The following MSH4 variants were observed in gnomAD, a reference collection of about 807,000 sequenced individuals.
MSH4 encodes mutS homolog 4.
Under a neutral mutation model 113.7 loss-of-function variants are expected in MSH4, and 106 were observed. The ratio of observed to expected loss-of-function variants is 0.93; its 90% confidence interval spans 0.80 to 1.10. The LOEUF (loss-of-function observed/expected upper bound fraction) is 1.10. Ranked by LOEUF, MSH4 falls within the 50% of genes least tolerant of loss-of-function variation. MSH4 has a pLI of 0.00. For synonymous variants in MSH4, 368 were observed against 380.2 expected (o/e 0.97, Z 0.37); for missense variants, 1,061 against 1,093.7 (o/e 0.97, Z 0.42).
intron 7 of MSH4, among the ~76,000 whole-genome samples, chr1:75,839,561 A>C (rs908171675): frequency 2.0e-5 from 3 of 152,168 alleles, no homozygotes; most frequent in Non-Finnish European, 4.4e-5. Context: ...GTAGAGCAGC[A>C]GGGCATAGGG....
intron 15 of MSH4, among the ~76,000 whole-genome samples, chr1:75,887,896 A>G (rs550420271): frequency 6.6e-6 from 1 of 151,956 alleles, no homozygotes; most frequent in East Asian, 1.9e-4. Context: ...TTATCATGAG[A>G]TTATGTGTCA....
intron 1 of MSH4, among the ~76,000 whole-genome samples, chr1:75,803,352 C>T (rs1649980370): frequency 6.6e-6 from 1 of 152,120 alleles, no homozygotes; most frequent in East Asian, 1.9e-4. Flanking sequence ...GGTGCGGTGA[C>T]TCAGGCCTCT....
intron 1 of MSH4, among the ~76,000 whole-genome samples, chr1:75,801,093 A>T (rs1451400676): frequency 1.3e-5 from 2 of 152,250 alleles, no homozygotes; most frequent in Non-Finnish European, 2.9e-5. Flanking sequence ...TTAAAATTAT[A>T]TGAAATTTAG....
chr1:75,880,328 A>G (rs994220985), intron 13 of MSH4, among the ~76,000 whole-genome samples, 175 bp downstream of exon 13: 1 of 152,114 alleles, frequency 6.6e-6, no homozygotes, highest in African/African-American at 2.4e-5. Context: ...AGCTTCGGGG[A>G]AGATCTAATT....
chr1:75,882,203 T>C (rs1307165234), intron 14 of MSH4, among the ~76,000 whole-genome samples: 2 of 152,130 alleles, frequency 1.3e-5, no homozygotes, highest in Non-Finnish European at 2.9e-5. Flanking sequence ...GGTCAGATAT[T>C]CCAATGGTAG....
chr1:75,823,470 T>G (rs1650475971), intron 7 of MSH4, among the ~76,000 whole-genome samples: 1 of 152,152 alleles, frequency 6.6e-6, no homozygotes, highest in Admixed American at 6.6e-5. Context: ...TTTCTTTACT[T>G]TAAATTCTGG....
chr1:75,837,559 G>C (rs914821020), intron 7 of MSH4, among the ~76,000 whole-genome samples: 5 of 151,798 alleles, frequency 3.3e-5, no homozygotes, highest in Admixed American at 2.6e-4. Flanking sequence ...ACTAATTTTT[G>C]TATTTTTAGT....
Position 75,877,031 on chromosome 1 carries a change from A to C in MSH4, c.1370+31A>C, listed in dbSNP as rs1423978604. ...TGTCACTCAACCGTTAATAAAAAAT[A>C]AGATTATTCTCTTCTTCCTGATCAT... On this transcript the variant is annotated intron_variant, in intron 10 of 19. Coordinates refer to ENST00000263187, the MANE Select transcript of MSH4 (RefSeq NM_002440.4). 11 of 1,363,138 alleles carry C rather than the reference A, an allele frequency of 8.1e-6. No homozygotes were observed. The South Asian group carries it at 1.6e-4, about 19-fold the overall frequency. The allele number at this position is 1,363,138 out of a possible 1,614,324, so 84.4% of individuals were successfully genotyped here. A position where few individuals can be genotyped will look rare whatever the true frequency, so the allele number is the denominator to read the frequency against.
At position 75,848,293 on chromosome 1, in the gene MSH4, AT is replaced by A; in HGVS notation, c.1230+21del. 1 of 1,492,086 alleles carries A rather than the reference AT, an allele frequency of 6.7e-7. No individual in the cohort carries two copies. Among genetic ancestry groups the A allele is most frequent in the African/African-American group, 1.4e-5 (1 of 71,944 alleles). 92.4% of individuals were successfully genotyped at this position (1,492,086 alleles called of 1,614,324 possible). A position where few individuals can be genotyped will look rare whatever the true frequency, so the allele number is the denominator to read the frequency against. ...CAAGACACGGTATGTTTTTGTATAC[AT>A]TTTGTATTATATTATTATACATTAT... On this transcript the variant is annotated intron_variant, in intron 8 of 19. Coordinates refer to ENST00000263187, the MANE Select transcript of MSH4 (RefSeq NM_002440.4).
chr1:75,848,913 GT>G (rs1651131739), intron 8 of MSH4, among the ~76,000 whole-genome samples: 1 of 152,062 alleles, frequency 6.6e-6, no homozygotes, highest in Non-Finnish European at 1.5e-5. Context: ...ATTATGTGAA[GT>G]TTGATTAGTC....
chr1:75,861,161 C>A (rs1347590359), intron 8 of MSH4, among the ~76,000 whole-genome samples: 1 of 11,160 alleles, frequency 9.0e-5, no homozygotes, highest in South Asian at 0.033. Context: ...AGCCATTCAT[C>A]TAACCTTTTT....
Position 75,883,614 on chromosome 1 carries a change from T to A in MSH4, c.1907-7T>A, listed in dbSNP as rs953718897. On this transcript the variant is annotated splice_polypyrimidine_tract_variant and splice_region_variant and intron_variant, in intron 14 of 19. Coordinates refer to ENST00000263187, the MANE Select transcript of MSH4 (RefSeq NM_002440.4). ...TCTTTAAAAACCATTCTATTTTTTTTCTTAAGTTCGACCAGAATTTACTGA... is the reference window on the plus strand; with the variant it reads ...TCTTTAAAAACCATTCTATTTTTTTACTTAAGTTCGACCAGAATTTACTGA... The A allele has an allele frequency of 1.9e-5, 30 of 1,603,358 alleles. No homozygotes were observed. The highest frequency in any genetic ancestry group is 2.6e-5 in the Non-Finnish European group (30 of 1,175,806).
chr1:75,868,507 T>A (rs894708588), intron 9 of MSH4, among the ~76,000 whole-genome samples: 6 of 152,230 alleles, frequency 3.9e-5, no homozygotes, highest in Non-Finnish European at 8.8e-5. Context: ...TAAAGGGAAC[T>A]GCTTTTGAAA....
At position 75,883,951 on chromosome 1, in the gene MSH4, A is replaced by G. The variant is rs553205584; in HGVS notation, c.2107+130A>G. On this transcript the variant is annotated intron_variant, in intron 15 of 19. Coordinates refer to ENST00000263187, the MANE Select transcript of MSH4 (RefSeq NM_002440.4). The stretch of plus-strand genomic sequence containing the variant: ...GGAGCAGATTCTGTTACCTAAAAGT[A>G]TAACAGTGTGTCTGTTGTGTAAACT... The G allele has an allele frequency of 3.5e-3, 2,343 of 667,876 alleles. 10 individuals are homozygous for G. The highest frequency in any genetic ancestry group is 4.5e-3 in the Non-Finnish European group (1,761 of 389,798). 41.4% of individuals were successfully genotyped at this position (667,876 alleles called of 1,614,324 possible).
Position 75,848,230 on chromosome 1 carries a change from C to T in MSH4, c.1184C>T (p.Thr395Ile), listed in dbSNP as rs1361053578. 2 of 1,607,606 alleles carry T rather than the reference C, an allele frequency of 1.2e-6. No individual in the cohort carries two copies. The highest frequency in any genetic ancestry group is 3.3e-5 in the Admixed American group (2 of 59,760). The change falls in exon 8 of 20, where the codon ACA (threonine) becomes ATA (isoleucine). Residue 395 changes from threonine (T) to isoleucine (I), a missense_variant. Physicochemically the swap from Thr to Ile is moderately conservative, Grantham distance 89. Coordinates refer to ENST00000263187, the MANE Select transcript of MSH4 (RefSeq NM_002440.4). ...LQSVISRFLD[T>I]EQLLSVLVQI... ...TCAGTTATATCAAGATTTCTTGATA[C>T]AGAGCAGCTTCTTTCTGTTTTAGTC...
intron 15 of MSH4, among the ~76,000 whole-genome samples, chr1:75,886,821 G>A (rs1652133383): frequency 1.6e-5 from 1 of 61,648 alleles, no homozygotes; most frequent in African/African-American, 5.5e-5. Context: ...TACTCACACT[G>A]GTACATATAT....
chr1:75,886,769 T>G (rs1037617234), intron 15 of MSH4, among the ~76,000 whole-genome samples: 1 of 140,842 alleles, frequency 7.1e-6, no homozygotes, highest in Non-Finnish European at 1.5e-5. Context: ...AAAATATGTA[T>G]ATAGTTATTA....
At chr1:75,910,062 C>T (rs917271084) in intron 19 of MSH4, among the ~76,000 whole-genome samples, 17 of 152,022 alleles carry the variant, frequency 1.1e-4, no homozygotes, top group African/African-American at 3.6e-4. Flanking sequence ...TAAGAGTATG[C>T]TTAGATTTCT....
chr1:75,837,791 C>T (rs1188297366), intron 7 of MSH4, among the ~76,000 whole-genome samples: 1 of 152,150 alleles, frequency 6.6e-6, no homozygotes, highest in Non-Finnish European at 1.5e-5. Flanking sequence ...TAACTCTTAC[C>T]TTCCTTCCAA....
Sources: allele counts gnomAD v4.1 joint callset (sites outside exome capture counted in the v4.1 genomes callset), GRCh38; gene constraint gnomAD v4.1.1; transcripts MANE v1.5; gene names NCBI Gene and HGNC (gene_info 2026-07-23, HGNC 2026-07-21).